Variants in EFCAB7 observed in about 807,000 individuals in gnomAD.
EFCAB7 encodes the protein EF-hand calcium-binding domain-containing protein 7.
Under a neutral mutation model 77.1 loss-of-function variants are expected in EFCAB7, and 66 were observed. The observed-to-expected ratio is 0.86, with a 90% CI of 0.70 to 1.05. The LOEUF (loss-of-function observed/expected upper bound fraction) is 1.05, where lower values mean the gene tolerates loss of function less well. Ranked by LOEUF, EFCAB7 falls within the 50% of genes least tolerant of loss-of-function variation. The pLI, the probability that EFCAB7 is intolerant of heterozygous loss-of-function variation, is 0.00. For synonymous variants in EFCAB7, 225 were observed against 243.3 expected (o/e 0.92, Z 0.70); for missense variants, 638 against 730.5 (o/e 0.87, Z 1.46).
At chr1:63,543,564 A>G (rs1019573647) in intron 6 of EFCAB7, among the ~76,000 whole-genome samples, 1 of 152,232 alleles carries the variant, frequency 6.6e-6, no homozygotes, top group Non-Finnish European at 1.5e-5. Flanking sequence ...AAAATATGAA[A>G]ATAATTGTGA....
At chr1:63,579,639 G>T in the EFCAB7 span, among the ~76,000 whole-genome samples, 1 of 152,154 alleles carries the variant, frequency 6.6e-6, no homozygotes, top group Non-Finnish European at 1.5e-5. Context: ...TTCCAGATTG[G>T]CTGTACCATT....
chr1:63,573,820 A>C (rs529150618), downstream of EFCAB7, among the ~76,000 whole-genome samples: 1 of 152,118 alleles, frequency 6.6e-6, no homozygotes, highest in South Asian at 2.1e-4. Context: ...GAAAGTGGTA[A>C]AAGGATTGTC....
chr1:63,536,350 A>G (rs1570391921), intron 6 of EFCAB7, among the ~76,000 whole-genome samples: 1 of 151,952 alleles, frequency 6.6e-6, no homozygotes, highest in East Asian at 1.9e-4. Context: ...AGCAGCATTC[A>G]GTTCTTTGTT....
intron 11 of EFCAB7, 40 bp from the exon 12 acceptor site, chr1:63,568,270 T>G: frequency 6.8e-7 from 1 of 1,474,680 alleles, no homozygotes; most frequent in Non-Finnish European, 9.2e-7. Flanking sequence ...TATTTAAAAT[T>G]CTATCAAAAG....
chr1:63,539,890 A>G (rs1300139115), intron 6 of EFCAB7, among the ~76,000 whole-genome samples: 1 of 152,224 alleles, frequency 6.6e-6, no homozygotes, highest in Non-Finnish European at 1.5e-5. Flanking sequence ...TAAATGCTGT[A>G]TAACATTTCT....
intron 2 of EFCAB7, among the ~76,000 whole-genome samples, chr1:63,531,221 A>G (rs983721722): frequency 6.6e-6 from 1 of 151,876 alleles, no homozygotes; most frequent in African/African-American, 2.4e-5. Flanking sequence ...CCACTGATCT[A>G]TTCTCTACTT....
downstream of EFCAB7, among the ~76,000 whole-genome samples, chr1:63,573,792 G>T (rs1647334804): frequency 1.3e-5 from 2 of 152,138 alleles, no homozygotes; most frequent in African/African-American, 2.4e-5. Flanking sequence ...CCCAGGACAG[G>T]CCTGAATTCT....
At chr1:63,580,434 G>A in the EFCAB7 span, among the ~76,000 whole-genome samples, 1 of 152,202 alleles carries the variant, frequency 6.6e-6, no homozygotes, top group Non-Finnish European at 1.5e-5. Context: ...ATTGATCGAT[G>A]TGTCTTTCCC....
At chr1:63,527,452 C>T (rs1646614533) in intron 2 of EFCAB7, among the ~76,000 whole-genome samples, 1 of 150,626 alleles carries the variant, frequency 6.6e-6, no homozygotes, top group African/African-American at 2.5e-5. Flanking sequence ...TGTGCATTTC[C>T]ATTTTAAGGT....
downstream of EFCAB7, among the ~76,000 whole-genome samples, chr1:63,575,224 T>C (rs946084924): frequency 2.0e-5 from 3 of 152,040 alleles, no homozygotes; most frequent in Non-Finnish European, 2.9e-5. Context: ...AGTACTGTTA[T>C]ATATATATGA....
chr1:63,531,802 A>G lies in EFCAB7; in HGVS notation c.188-18A>G, dbSNP rs764015994. The G allele has an allele frequency of 3.1e-6, 5 of 1,606,230 alleles. No individual in the cohort carries two copies. Among genetic ancestry groups the G allele is most frequent in the South Asian group, 1.1e-5 (1 of 89,326 alleles). On this transcript the variant is annotated intron_variant, in intron 2 of 13. Transcript: ENST00000371088. Reference sequence around the variant, plus strand: ...TCCAGGTGTTACAATCACAAATAATACTTGTCTTGTTGGGCAGCTCTTCAG... The same window carrying G: ...TCCAGGTGTTACAATCACAAATAATGCTTGTCTTGTTGGGCAGCTCTTCAG...
intron 4 of EFCAB7, among the ~76,000 whole-genome samples, chr1:63,533,172 T>C (rs1349459572): frequency 2.6e-5 from 4 of 152,104 alleles, no homozygotes; most frequent in Non-Finnish European, 5.9e-5. Flanking sequence ...TTTGAACAAA[T>C]GCAAGCCTAC....
intron 12 of EFCAB7, chr1:63,570,589 A>G (rs1440652660): frequency 6.5e-6 from 1 of 152,858 alleles, no homozygotes; most frequent in Admixed American, 6.5e-5. Flanking sequence ...CAAAGTTGAT[A>G]ATAAATATAT....
intron 12 of EFCAB7, chr1:63,568,751 C>T: frequency 2.6e-6 from 1 of 384,780 alleles, no homozygotes; most frequent in Non-Finnish European, 4.6e-6. Context: ...GAAAATTAAA[C>T]ATTTGGATAT....
chr1:63,552,985 T>A (rs1001615379), intron 8 of EFCAB7, among the ~76,000 whole-genome samples: 1 of 152,226 alleles, frequency 6.6e-6, no homozygotes, highest in Non-Finnish European at 1.5e-5. Context: ...CTTATGAGAT[T>A]GCATGTGTAA....
chr1:63,542,414 T>C (rs994390420), intron 6 of EFCAB7, among the ~76,000 whole-genome samples: 4 of 152,234 alleles, frequency 2.6e-5, no homozygotes, highest in African/African-American at 9.6e-5. Context: ...GCTATGAACA[T>C]TGGCATACAT....
chr1:63,543,569 T>C (rs551120495), intron 6 of EFCAB7, among the ~76,000 whole-genome samples: 2 of 152,330 alleles, frequency 1.3e-5, no homozygotes, highest in Admixed American at 6.5e-5. Flanking sequence ...ATGAAAATAA[T>C]TGTGACATAA....
At chr1:63,557,089 T>G (rs1299556307) in intron 9 of EFCAB7, 25 bp from the exon 10 acceptor site, 2 of 1,485,540 alleles carry the variant, frequency 1.3e-6, no homozygotes, top group Non-Finnish European at 1.8e-6. Context: ...TGACAAGAAA[T>G]AACTAGCTAT....
At chr1:63,569,100 G>C (rs1014386022) in intron 12 of EFCAB7, 9 of 152,076 alleles carry the variant, frequency 5.9e-5, no homozygotes, top group Non-Finnish European at 1.3e-4. Flanking sequence ...CAGTTCTCTA[G>C]AAATTATAAA....
Sources: gnomAD v4.1 joint callset for allele counts (sites outside exome capture counted in the v4.1 genomes callset) on GRCh38, gnomAD v4.1.1 for gene constraint, MANE v1.5 for transcripts, NCBI Gene and HGNC (gene_info 2026-07-23, HGNC 2026-07-21) for gene names.